ZNF717: variants seen among roughly 807,000 people sequenced by gnomAD.
ZNF717 encodes the protein zinc finger protein 717.
ZNF717 carries 9 observed loss-of-function variants against 13.8 expected under a neutral mutation model. That is an observed-to-expected ratio of 0.65 (90% confidence interval 0.39 to 1.14). The LOEUF (loss-of-function observed/expected upper bound fraction) is 1.14, where lower values mean the gene tolerates loss of function less well. Among genes scored for constraint, ZNF717 ranks in the 50% most tolerant of loss-of-function variants. ZNF717 has a pLI of 0.01. For synonymous variants in ZNF717, 327 were observed against 364.1 expected, an observed-to-expected ratio of 0.90 and a Z score of 1.16; for missense variants, 1,040 against 1,080.7, an observed-to-expected ratio of 0.96 and a Z score of 0.53.
chr3:75,763,881 T>C (rs1451073738), intron 2 of ZNF717, among the ~76,000 whole-genome samples: 1 of 152,224 alleles, frequency 6.6e-6, no homozygotes, highest in Non-Finnish European at 1.5e-5. Context: ...TGATTACTGA[T>C]TTGAAGAGGA....
intron 2 of ZNF717, among the ~76,000 whole-genome samples, chr3:75,761,136 C>T (rs535479524): frequency 6.5e-4 from 99 of 152,278 alleles, no homozygotes; most frequent in African/African-American, 2.2e-3. Context: ...GAAGATTCAA[C>T]CAGTAATCAA....
In ZNF717 at chr3:75,737,290, C is replaced by A. The variant is rs1414374252; in HGVS notation, c.2333G>T (p.Gly778Val). ...ATAGGGTTTCTCTCCTGAGTGAGTC[C>A]CCTGATGCGTACTGAGGTTTGACTT... ...CHKSNLSTHQ[G>V]THSGEKPYEC... is the part of the protein sequence containing the mutation. The change falls in exon 5 of 5, where the codon GGG becomes GTG. Residue 778 changes from glycine (G) to valine (V), a missense_variant. Around this residue, in one of 3 missense-constraint regions of ZNF717, gnomAD observed 873 missense variants for 832.8 expected, o/e 1.05. Transcript: ENST00000652011. 2 of 1,552,766 alleles carry A rather than the reference C, an allele frequency of 1.3e-6. No individual in the cohort carries two copies. The highest frequency in any genetic ancestry group is 3.9e-5 in the Admixed American group (2 of 51,038).
chr3:75,723,478 T>C (rs1411316004), intron 4 of ZNF717, among the ~76,000 whole-genome samples: 1 of 152,234 alleles, frequency 6.6e-6, no homozygotes, highest in Admixed American at 6.5e-5. Context: ...TAAGAATACT[T>C]GTACTAGAAA....
intron 2 of ZNF717, among the ~76,000 whole-genome samples, chr3:75,779,779 T>C (rs1278456892): frequency 1.4e-5 from 2 of 141,210 alleles, no homozygotes; most frequent in Non-Finnish European, 3.0e-5. Context: ...ACAATGGGAG[T>C]GATGTGCTAA....
chr3:75,706,993 A>C (rs2106826639), downstream of ZNF717, among the ~76,000 whole-genome samples: 1 of 152,428 alleles, frequency 6.6e-6, no homozygotes, highest in East Asian at 1.9e-4. Context: ...CAGAAGACCA[A>C]GTCATGGTCA....
chr3:75,699,615 G>C (rs184344844), intron 6 of ZNF717, among the ~76,000 whole-genome samples: 1 of 152,286 alleles, frequency 6.6e-6, no homozygotes, highest in African/African-American at 2.4e-5. Flanking sequence ...CACCTTGTCA[G>C]TTGTCAGAGG....
rs1553681978 is a variant in ZNF717 at position 75,768,363 on chromosome 3, G to GGT, written c.57+14942_57+14943insAC. Reference sequence around the variant, plus strand: ...CAGTCCTCACTGTGGCTGAGTGTGGGGGGGGGGGGTAGATGACAGCCCACC... The same window carrying GGT: ...CAGTCCTCACTGTGGCTGAGTGTGGGGTGGGGGGGGGTAGATGACAGCCCACC... On this transcript the variant is annotated intron_variant, in intron 2 of 4. Coordinates refer to ENST00000652011, the MANE Select transcript of ZNF717 (RefSeq NM_001290208.3). Among the ~76,000 whole-genome samples, 277 of 107,844 alleles carry GGT rather than the reference G, an allele frequency of 2.6e-3. 12 individuals are homozygous for GGT. The highest frequency in any genetic ancestry group is 9.9e-3 in the African/African-American group (258 of 26,168). The allele number at this position is 107,844 out of a possible 152,430, so 70.7% of individuals were successfully genotyped here.
intron 2 of ZNF717, among the ~76,000 whole-genome samples, chr3:75,742,019 G>A (rs1384652842): frequency 6.6e-6 from 1 of 152,158 alleles, no homozygotes; most frequent in Non-Finnish European, 1.5e-5. Flanking sequence ...GGTGGGAGAA[G>A]GAGTAATCAC....
At chr3:75,740,981 C>T (rs1437953661) in intron 4 of ZNF717, among the ~76,000 whole-genome samples, 1 of 151,798 alleles carries the variant, frequency 6.6e-6, no homozygotes, top group African/African-American at 2.4e-5. Context: ...TAAGATACTA[C>T]ATCAGAATAG....
In ZNF717 at chr3:75,736,601, GAGA is replaced by G. The variant is rs1269868497; in HGVS notation, c.*274_*276del. Reference sequence around the variant, plus strand: ...CCTAACTCTCTTCAATTCTATGGAGGAGAAGAGAGGTGAGGAAGTTGCAGAAGA... The same window carrying G: ...CCTAACTCTCTTCAATTCTATGGAGGAGAGAGGTGAGGAAGTTGCAGAAGA... On this transcript the variant is annotated 3_prime_UTR_variant, in exon 5 of 5. Coordinates refer to ENST00000652011, the MANE Select transcript of ZNF717 (RefSeq NM_001290208.3). 2.4e-6 allele frequency: 1 copy of G among 416,312 alleles called. No homozygotes were observed. The highest frequency in any genetic ancestry group is 2.1e-5 in the African/African-American group (1 of 46,852). The allele number at this position is 416,312 out of a possible 1,614,324, so 25.8% of individuals were successfully genotyped here. A position where few individuals can be genotyped will look rare whatever the true frequency, so the allele number is the denominator to read the frequency against.
At chr3:75,714,496 A>T (rs1451617142) in intron 5 of ZNF717, among the ~76,000 whole-genome samples, 1 of 152,122 alleles carries the variant, frequency 6.6e-6, no homozygotes, top group East Asian at 1.9e-4. Flanking sequence ...CAAACTAATG[A>T]TTAATGATAT....
rs71101852 is a variant in ZNF717, at chr3:75,764,990, GATATATAT to G, written c.57+18308_57+18315del. Among the ~76,000 whole-genome samples, 291 of 102,344 alleles carry G rather than the reference GATATATAT, an allele frequency of 2.8e-3. 2 individuals carry two copies. The highest frequency in any genetic ancestry group is 7.2e-3 in the African/African-American group (162 of 22,490). The allele number at this position is 102,344 out of a possible 152,430, so 67.1% of individuals were successfully genotyped here. ...CCAGGAATGGACGGATAAACAAAAGGATATATATATATATATATATATATATATATATA... is the reference window on the plus strand; with the variant it reads ...CCAGGAATGGACGGATAAACAAAAGGATATATATATATATATATATATATA... On this transcript the variant is annotated intron_variant, in intron 2 of 4. Transcript: ENST00000652011.
intron 2 of ZNF717, among the ~76,000 whole-genome samples, chr3:75,769,172 G>A (rs921792541): frequency 4.6e-5 from 7 of 152,164 alleles, no homozygotes; most frequent in Non-Finnish European, 7.4e-5. Flanking sequence ...AGTGTGACAG[G>A]AGAAATGCTC....
chr3:75,768,811 T>C (rs1309554211), intron 2 of ZNF717, among the ~76,000 whole-genome samples: 14 of 144,028 alleles, frequency 9.7e-5, no homozygotes, highest in Non-Finnish European at 2.0e-4. Context: ...CACAACCTCA[T>C]TAAGTTCTGT....
At chr3:75,758,615 G>C (rs1942703274) in intron 2 of ZNF717, among the ~76,000 whole-genome samples, 1 of 152,180 alleles carries the variant, frequency 6.6e-6, no homozygotes, top group Non-Finnish European at 1.5e-5. Flanking sequence ...AGAGTCAATT[G>C]ACACAGCAAA....
At chr3:75,757,140 T>C (rs1174514200) in intron 2 of ZNF717, among the ~76,000 whole-genome samples, 1 of 152,236 alleles carries the variant, frequency 6.6e-6, no homozygotes, top group Non-Finnish European at 1.5e-5. Context: ...CAGAAAGCTA[T>C]CTAGAAGATA....
At chr3:75,715,362 T>A (rs1017577156) in intron 5 of ZNF717, among the ~76,000 whole-genome samples, 1 of 152,212 alleles carries the variant, frequency 6.6e-6, no homozygotes, top group African/African-American at 2.4e-5. Context: ...TCAGCGGTTT[T>A]AAATTATTTA....
At chr3:75,698,870 C>T (rs1405895500) in intron 6 of ZNF717, among the ~76,000 whole-genome samples, 5 of 152,208 alleles carry the variant, frequency 3.3e-5, no homozygotes, top group Non-Finnish European at 7.4e-5. Flanking sequence ...CAGCTTGCAC[C>T]CTGCACCTGG....
At chr3:75,765,035 A>ATATATATATATATATATG (rs1559662069) in intron 2 of ZNF717, among the ~76,000 whole-genome samples, 6 of 81,762 alleles carry the variant, frequency 7.3e-5, no homozygotes, top group Admixed American at 3.9e-4. Flanking sequence ...ATATATGTAT[A>ATATATATATATATATATG]TGTGTGTGTG....
Sources: gnomAD v4.1 joint callset for allele counts (sites outside exome capture counted in the v4.1 genomes callset) on GRCh38, gnomAD v4.1.1 for gene constraint, gnomAD v4.1.1 regional missense constraint, MANE v1.5 for transcripts, NCBI Gene and HGNC (gene_info 2026-07-23, HGNC 2026-07-21) for gene names.